PRKG1: variants seen among roughly 807,000 people sequenced by gnomAD.
PRKG1 encodes cGMP-dependent protein kinase 1.
Under a neutral mutation model 88.1 loss-of-function variants are expected in PRKG1, and 35 were observed. The ratio of observed to expected loss-of-function variants is 0.40; its 90% CI spans 0.30 to 0.53. PRKG1 has a LOEUF of 0.53. Among genes scored for constraint, PRKG1 ranks in the 20% least tolerant of loss-of-function variants. PRKG1 has a pLI of 0.59. For synonymous variants in PRKG1, 303 were observed against 292.5 expected, an observed-to-expected ratio of 1.04 and a Z score of -0.37; for missense variants, 540 against 839.8, an observed-to-expected ratio of 0.64 and a Z score of 4.41.
intron 2 of PRKG1, among the ~76,000 whole-genome samples, chr10:51,240,700 C>T (rs1564651531): frequency 1.3e-5 from 2 of 152,118 alleles, no homozygotes; most frequent in South Asian, 4.1e-4. Context: ...GGACTATCAC[C>T]TTGAACACCA....
intron 1 of PRKG1, among the ~76,000 whole-genome samples, chr10:51,107,468 T>C (rs1341322892): frequency 1.3e-5 from 2 of 151,960 alleles, no homozygotes; most frequent in African/African-American, 2.4e-5. Context: ...AGATTAGAAA[T>C]TGATGTAATA....
intron 9 of PRKG1, among the ~76,000 whole-genome samples, chr10:52,215,183 TCAGGAGTTTGAGAC>T (rs1448581479): frequency 2.6e-5 from 4 of 151,922 alleles, no homozygotes; most frequent in African/African-American, 9.7e-5. Context: ...TCACCTGAGG[TCAGGAGTTTGAGAC>T]CAGCCTGGCC....
At chr10:51,332,333 G>A (rs993297211) in intron 2 of PRKG1, among the ~76,000 whole-genome samples, 24 of 152,110 alleles carry the variant, frequency 1.6e-4, no homozygotes, top group African/African-American at 5.6e-4. Context: ...GGAGGAAAAT[G>A]GGCCATGCTA....
intron 2 of PRKG1, among the ~76,000 whole-genome samples, chr10:51,187,762 A>G (rs577719409): frequency 6.6e-6 from 1 of 152,004 alleles, no homozygotes; most frequent in Non-Finnish European, 1.5e-5. Context: ...CCTAAATATC[A>G]TAGCTGATAT....
intron 5 of PRKG1, among the ~76,000 whole-genome samples, chr10:51,951,735 A>T (rs1218380588): frequency 6.6e-6 from 1 of 152,186 alleles, no homozygotes; most frequent in Non-Finnish European, 1.5e-5. Flanking sequence ...AGTAGGCATA[A>T]GTTGGGGAAA....
chr10:52,245,332 AT>A lies in PRKG1; in HGVS notation c.1077-6236del, dbSNP rs149494272. On this transcript the variant is annotated intron_variant, in intron 9 of 17. Transcript: ENST00000373980. ...ACATTTAAGTAAGCTGGGATTCTGA[AT>A]TGATTTTTCCACTAAATTTATACTT... is the stretch of plus-strand genomic sequence containing the variant. Among the ~76,000 whole-genome samples the A allele has an allele frequency of 9.1e-3, 1,379 of 152,224 alleles. 21 individuals are homozygous for A. The highest frequency in any genetic ancestry group is 0.031 in the African/African-American group (1,299 of 41,560).
intron 3 of PRKG1, among the ~76,000 whole-genome samples, chr10:51,501,538 A>G (rs1481005150): frequency 1.3e-5 from 2 of 152,010 alleles, no homozygotes; most frequent in Non-Finnish European, 2.9e-5. Flanking sequence ...AGCTCTCTCC[A>G]TCTGTGCTTC....
At chr10:51,195,214 A>T (rs1837732148) in intron 2 of PRKG1, among the ~76,000 whole-genome samples, 1 of 152,226 alleles carries the variant, frequency 6.6e-6, no homozygotes, top group African/African-American at 2.4e-5. Context: ...CTGATTAGCC[A>T]CTGATGAGGA....
intron 3 of PRKG1, among the ~76,000 whole-genome samples, chr10:51,599,734 A>G (rs1224016684): frequency 1.3e-5 from 2 of 152,164 alleles, no homozygotes; most frequent in Non-Finnish European, 2.9e-5. Context: ...CCTTCCGGCT[A>G]TTTTAATGCA....
At chr10:51,123,209 G>A (rs527466933) in intron 1 of PRKG1, among the ~76,000 whole-genome samples, 1 of 152,266 alleles carries the variant, frequency 6.6e-6, no homozygotes, top group East Asian at 1.9e-4. Context: ...AATGACTGAA[G>A]TCAGATGATT....
intron 9 of PRKG1, among the ~76,000 whole-genome samples, chr10:52,240,219 A>G (rs1840823895): frequency 6.6e-6 from 1 of 152,202 alleles, no homozygotes; most frequent in Non-Finnish European, 1.5e-5. Flanking sequence ...CGTATCAATA[A>G]TATGGCACTT....
intron 7 of PRKG1, among the ~76,000 whole-genome samples, chr10:52,088,284 C>A (rs1846966208): frequency 6.6e-6 from 1 of 150,828 alleles, no homozygotes; most frequent in African/African-American, 2.4e-5. Context: ...TAATAAAATA[C>A]TATTTAATGA....
chr10:52,055,528 A>G (rs1309902263), intron 6 of PRKG1, among the ~76,000 whole-genome samples: 1 of 152,198 alleles, frequency 6.6e-6, no homozygotes, highest in Non-Finnish European at 1.5e-5. Flanking sequence ...GAATTGGAAA[A>G]TAGAATTTCT....
chr10:51,369,948 T>G (rs955812113), intron 2 of PRKG1, among the ~76,000 whole-genome samples: 2 of 152,192 alleles, frequency 1.3e-5, no homozygotes, highest in African/African-American at 4.8e-5. Flanking sequence ...TATGAGTTTA[T>G]TGTTTACTTT....
chr10:51,486,901 G>A (rs1840560119), intron 3 of PRKG1, among the ~76,000 whole-genome samples: 2 of 151,962 alleles, frequency 1.3e-5, no homozygotes, highest in South Asian at 4.1e-4. Flanking sequence ...TTTTCTGAAG[G>A]ATATTGTCCT....
intron 2 of PRKG1, among the ~76,000 whole-genome samples, chr10:51,165,981 T>A (rs1846527423): frequency 6.6e-6 from 1 of 150,882 alleles, no homozygotes; most frequent in African/African-American, 2.5e-5. Flanking sequence ...ACTCACCAAA[T>A]AAGTTTTTTT....
intron 2 of PRKG1, among the ~76,000 whole-genome samples, chr10:51,174,385 A>G (rs1421085233): frequency 6.6e-6 from 1 of 152,116 alleles, no homozygotes; most frequent in African/African-American, 2.4e-5. Context: ...TCTTTTTAGC[A>G]TGGTAAATCC....
At chr10:52,037,454 A>C (rs1373478042) in intron 5 of PRKG1, among the ~76,000 whole-genome samples, 1 of 152,174 alleles carries the variant, frequency 6.6e-6, no homozygotes, top group Non-Finnish European at 1.5e-5. Context: ...TCTGGAGCAG[A>C]TTGGGTAATA....
intron 3 of PRKG1, among the ~76,000 whole-genome samples, chr10:51,565,548 G>A (rs1837579033): frequency 6.6e-6 from 1 of 152,112 alleles, no homozygotes; most frequent in Admixed American, 6.6e-5. Flanking sequence ...AAGCCTGAAG[G>A]TGAATTATCC....
Sources: gnomAD v4.1 joint callset for allele counts (sites outside exome capture counted in the v4.1 genomes callset) on GRCh38, gnomAD v4.1.1 for gene constraint, MANE v1.5 for transcripts, NCBI Gene and HGNC (gene_info 2026-07-23, HGNC 2026-07-21) for gene names.